The following GPR19 variants were observed in gnomAD, a reference collection of about 807,000 sequenced individuals.
GPR19 encodes the protein G protein-coupled receptor 19.
In GPR19, 14 loss-of-function variants were observed where a neutral mutation model predicts 28.5. The observed-to-expected ratio is 0.49, with a 90% CI of 0.32 to 0.77. The LOEUF is 0.77. Ranked by LOEUF, GPR19 falls within the 30% of genes least tolerant of loss-of-function variation. The pLI is 0.03. For synonymous variants in GPR19, 173 were observed against 184.1 expected (o/e 0.94, Z 0.49); for missense variants, 409 against 504.1 (o/e 0.81, Z 1.81).
At chr12:12,685,638 A>G (rs906986573) in intron 2 of GPR19, among the ~76,000 whole-genome samples, 15 of 152,352 alleles carry the variant, frequency 9.8e-5, no homozygotes, top group African/African-American at 3.4e-4. Flanking sequence ...TCTCAGAGCC[A>G]AATTGGATTG....
intron 3 of GPR19, among the ~76,000 whole-genome samples, chr12:12,672,417 A>G (rs1411037260): frequency 6.6e-6 from 1 of 152,188 alleles, no homozygotes; most frequent in Non-Finnish European, 1.5e-5. Flanking sequence ...CAAAATCTGA[A>G]AAGTAAGATA....
upstream of GPR19, among the ~76,000 whole-genome samples, chr12:12,698,350 A>G (rs1946292841): frequency 6.6e-6 from 1 of 152,246 alleles, no homozygotes; most frequent in Non-Finnish European, 1.5e-5. Context: ...AAAGTTAATC[A>G]TGCCATTTCT....
chr12:12,702,325 A>G, the GPR19 span, among the ~76,000 whole-genome samples: 1 of 152,008 alleles, frequency 6.6e-6, no homozygotes, highest in Admixed American at 6.6e-5. Flanking sequence ...AGAATAACAG[A>G]TTAGATAGAA....
chr12:12,695,259 G>T (rs1444622453), intron 2 of GPR19, among the ~76,000 whole-genome samples, 200 bp downstream of exon 2: 2 of 152,200 alleles, frequency 1.3e-5, no homozygotes, highest in African/African-American at 4.8e-5. Flanking sequence ...AATATCTAGT[G>T]AACTGGGAGG....
At chr12:12,679,066 G>C (rs540142520) in intron 3 of GPR19, among the ~76,000 whole-genome samples, 5 of 151,984 alleles carry the variant, frequency 3.3e-5, no homozygotes, top group African/African-American at 4.8e-5. Flanking sequence ...CAAAGTACTG[G>C]GATTATAGAC....
intron 2 of GPR19, among the ~76,000 whole-genome samples, chr12:12,693,006 C>CT (rs1946208935): frequency 6.6e-6 from 1 of 152,154 alleles, no homozygotes; most frequent in South Asian, 2.1e-4. Flanking sequence ...TTATCACTAC[C>CT]TTTTTTGTCT....
rs540908175 is a variant in GPR19, at chr12:12,685,488, G to A, written c.-179-981C>T. On this transcript the variant is annotated intron_variant, in intron 2 of 3. Coordinates refer to ENST00000651487, the MANE Select transcript of GPR19 (RefSeq NM_006143.3). ...TTTTGTGCAGGGTCTATCCTGCTTT[G>A]CTGACGTCCTAGTTGCCATGGTGCT... Among the ~76,000 whole-genome samples, 4 of 152,238 alleles carry A rather than the reference G, an allele frequency of 2.6e-5. No homozygotes were observed. In the East Asian group the frequency reaches 7.7e-4, roughly 29 times the overall value.
At position 12,668,679 on chromosome 12, in the gene GPR19, G is replaced by GAAA. The variant is rs10666505; in HGVS notation, c.-22-6212_-22-6210dup. Reference sequence around the variant, plus strand: ...TATTGATTTTTTACATGATTTGGTTGAAAAAAAAAAACAGAAACATTTTCT... The same window carrying GAAA: ...TATTGATTTTTTACATGATTTGGTTGAAAAAAAAAAAAAACAGAAACATTTTCT... On this transcript the variant is annotated intron_variant, in intron 3 of 3. Transcript: ENST00000651487. Among the ~76,000 whole-genome samples, 1,222 of 147,068 alleles carry GAAA rather than the reference G, an allele frequency of 8.3e-3. 9 individuals carry two copies. The highest frequency in any genetic ancestry group is 0.025 in the Middle Eastern group (7 of 282).
the GPR19 span, among the ~76,000 whole-genome samples, chr12:12,709,291 G>A: frequency 3.9e-5 from 6 of 152,070 alleles, no homozygotes; most frequent in East Asian, 9.6e-4. Flanking sequence ...TTCAGGATCC[G>A]GAAACTGAAG....
At chr12:12,701,034 AT>A (rs1565414665), upstream of GPR19, among the ~76,000 whole-genome samples, 1 of 152,154 alleles carries the variant, frequency 6.6e-6, no homozygotes, top group Non-Finnish European at 1.5e-5. Flanking sequence ...ATTAATTCCA[AT>A]TAAGAGCAGT....
intron 3 of GPR19, among the ~76,000 whole-genome samples, chr12:12,672,276 C>G (rs1945863901): frequency 6.6e-6 from 1 of 152,112 alleles, no homozygotes; most frequent in Non-Finnish European, 1.5e-5. Flanking sequence ...GTGACCACCC[C>G]CACGGATGTA....
At chr12:12,668,613 G>C (rs1293452910) in intron 3 of GPR19, among the ~76,000 whole-genome samples, 1 of 150,832 alleles carries the variant, frequency 6.6e-6, no homozygotes, top group African/African-American at 2.4e-5. Context: ...TATTTCTTGA[G>C]ATTTGTTTAA....
At chr12:12,698,735 C>T (rs1420049007), upstream of GPR19, among the ~76,000 whole-genome samples, 1 of 151,982 alleles carries the variant, frequency 6.6e-6, no homozygotes, top group Non-Finnish European at 1.5e-5. Context: ...CTCAGCCTCC[C>T]GAGTAGCTGG....
rs937083354 is a variant in GPR19 at position 12,663,305 on chromosome 12, G to GT, written c.-22-836dup. On this transcript the variant is annotated intron_variant, in intron 3 of 3. Transcript: ENST00000651487. ...AGGTGATTAAAAACAACAAAAAAAT[G>GT]TAACTGTTAGCTAAGCACAGTGGGG... is the stretch of plus-strand genomic sequence containing the variant. 2.7e-4 allele frequency among the ~76,000 whole-genome samples: 41 copies of GT among 152,080 alleles called. No homozygotes were observed. In the East Asian group the frequency reaches 6.4e-3, roughly 24 times the overall value.
At chr12:12,710,735 C>A in the GPR19 span, among the ~76,000 whole-genome samples, 1 of 152,204 alleles carries the variant, frequency 6.6e-6, no homozygotes, top group South Asian at 2.1e-4. Context: ...GAGACAGGGT[C>A]TTGCTATGTA....
At chr12:12,709,764 T>G in the GPR19 span, among the ~76,000 whole-genome samples, 1 of 152,212 alleles carries the variant, frequency 6.6e-6, no homozygotes, top group Non-Finnish European at 1.5e-5. Flanking sequence ...AAAAGGGTAC[T>G]TTCAATCTCA....
chr12:12,681,411 TG>T lies in GPR19; in HGVS notation c.-23+2939del, dbSNP rs554539931. On this transcript the variant is annotated intron_variant, in intron 3 of 3. Coordinates refer to ENST00000651487, the MANE Select transcript of GPR19 (RefSeq NM_006143.3). ...CTCACCTCTAGGTTGAAATCATACTTGGCAAGGCCTCTCCTCAAGGGGAAGC... is the reference window on the plus strand; with the variant it reads ...CTCACCTCTAGGTTGAAATCATACTTGCAAGGCCTCTCCTCAAGGGGAAGC... Among the ~76,000 whole-genome samples, 6 of 152,344 alleles carry T rather than the reference TG, an allele frequency of 3.9e-5. No individual in the cohort carries two copies. The South Asian group carries it at 1.2e-3, about 32-fold the overall frequency.
the GPR19 span, among the ~76,000 whole-genome samples, chr12:12,712,257 C>A: frequency 6.6e-6 from 1 of 152,216 alleles, no homozygotes; most frequent in Non-Finnish European, 1.5e-5. Flanking sequence ...ACTGGATGAA[C>A]ACCACAGTGG....
At chr12:12,682,690 A>C (rs1171520370) in intron 3 of GPR19, among the ~76,000 whole-genome samples, 1 of 152,248 alleles carries the variant, frequency 6.6e-6, no homozygotes, top group Non-Finnish European at 1.5e-5. Context: ...TTACGTCTTA[A>C]AGTACTGCGC....
Sources: allele counts gnomAD v4.1 joint callset (sites outside exome capture counted in the v4.1 genomes callset), GRCh38; gene constraint gnomAD v4.1.1; transcripts MANE v1.5; gene names NCBI Gene and HGNC (gene_info 2026-07-23, HGNC 2026-07-21).